FAM135B: variants seen among roughly 807,000 people sequenced by gnomAD.
The protein encoded by FAM135B is family with sequence similarity 135 member B, also known as protein FAM135B.
Under a neutral mutation model 127.7 loss-of-function variants are expected in FAM135B, and 43 were observed. That is an observed-to-expected ratio of 0.34 (90% CI 0.26 to 0.43). FAM135B has a LOEUF of 0.43. Among genes scored for constraint, FAM135B ranks in the 20% least tolerant of loss-of-function variants. The pLI, the probability that FAM135B is intolerant of heterozygous loss-of-function variation, is 1.00. For synonymous variants in FAM135B, 670 were observed against 665.1 expected, an observed-to-expected ratio of 1.01 and a Z score of -0.11; for missense variants, 1,558 against 1,725.6, an observed-to-expected ratio of 0.90 and a Z score of 1.72.
At chr8:138,133,339 T>C (rs1816352869) in intron 19 of FAM135B, among the ~76,000 whole-genome samples, 1 of 152,212 alleles carries the variant, frequency 6.6e-6, no homozygotes, top group South Asian at 2.1e-4. Flanking sequence ...ATTGACTGTT[T>C]CCACCTGAAA....
intron 1 of FAM135B, among the ~76,000 whole-genome samples, chr8:138,396,032 T>C (rs1343249921): frequency 6.6e-6 from 1 of 152,220 alleles, no homozygotes; most frequent in East Asian, 1.9e-4. Context: ...GGTGAACTTA[T>C]GTCAAGTATT....
At chr8:138,420,876 A>T (rs775530132) in intron 1 of FAM135B, among the ~76,000 whole-genome samples, 5 of 152,214 alleles carry the variant, frequency 3.3e-5, no homozygotes, top group South Asian at 2.1e-4. Context: ...GCAAACCTAC[A>T]AGCCAACATA....
chr8:138,448,452 G>T (rs541930264), intron 1 of FAM135B, among the ~76,000 whole-genome samples: 1 of 152,272 alleles, frequency 6.6e-6, no homozygotes, highest in Admixed American at 6.5e-5. Context: ...CAGCTCACCA[G>T]ATTAGATCAT....
chr8:138,391,461 A>T (rs1832571235), intron 1 of FAM135B, among the ~76,000 whole-genome samples: 1 of 152,034 alleles, frequency 6.6e-6, no homozygotes, highest in African/African-American at 2.4e-5. Flanking sequence ...GGTTTCCAGA[A>T]CAGTCAAGCC....
At chr8:138,493,984 C>T (rs988386228) in intron 1 of FAM135B, among the ~76,000 whole-genome samples, 24 of 78,934 alleles carry the variant, frequency 3.0e-4, no homozygotes, top group Admixed American at 2.3e-3. Flanking sequence ...GAAATTGAAG[C>T]GAGAAAAAGA....
chr8:138,463,687 G>A (rs987655399), intron 1 of FAM135B, among the ~76,000 whole-genome samples: 1 of 152,140 alleles, frequency 6.6e-6, no homozygotes, highest in Non-Finnish European at 1.5e-5. Flanking sequence ...TAGCTGGTAT[G>A]GGCACCTCTT....
chr8:138,322,786 C>T (rs766189022), intron 2 of FAM135B, among the ~76,000 whole-genome samples: 20 of 152,158 alleles, frequency 1.3e-4, no homozygotes, highest in Non-Finnish European at 2.6e-4. Context: ...GCCAGCAGGA[C>T]ACCTGGCACC....
intron 7 of FAM135B, among the ~76,000 whole-genome samples, chr8:138,213,297 C>T (rs530984278): frequency 9.2e-5 from 14 of 151,976 alleles, no homozygotes; most frequent in Admixed American, 1.3e-4. Flanking sequence ...ACGATCACTA[C>T]GTAAATAGTA....
At chr8:138,165,104 T>A (rs891845044) in intron 12 of FAM135B, among the ~76,000 whole-genome samples, 6 of 148,550 alleles carry the variant, frequency 4.0e-5, no homozygotes, top group Admixed American at 1.3e-4. Context: ...GGAATGAATT[T>A]ATTTATTTAT....
chr8:138,385,356 CT>C (rs1832129440), intron 1 of FAM135B, among the ~76,000 whole-genome samples: 1 of 152,132 alleles, frequency 6.6e-6, no homozygotes, highest in African/African-American at 2.4e-5. Context: ...AAAGCTGCAC[CT>C]CGTTTGTCCC....
intron 1 of FAM135B, among the ~76,000 whole-genome samples, chr8:138,390,506 T>G (rs551109627): frequency 2.8e-4 from 43 of 152,306 alleles, no homozygotes; most frequent in African/African-American, 9.6e-4. Context: ...TTACCTAGTC[T>G]CAGGTCTATC....
chr8:138,477,851 G>A (rs776498350), intron 1 of FAM135B, among the ~76,000 whole-genome samples: 13 of 152,106 alleles, frequency 8.5e-5, no homozygotes, highest in Non-Finnish European at 1.6e-4. Flanking sequence ...CACCCTTCCT[G>A]CTTCCTATAT....
chr8:138,329,790 T>C (rs769120123), intron 2 of FAM135B, among the ~76,000 whole-genome samples: 1 of 152,208 alleles, frequency 6.6e-6, no homozygotes, highest in Non-Finnish European at 1.5e-5. Context: ...TTGGTTATAG[T>C]TGTTAATATT....
rs1337431782 is a variant in FAM135B at position 138,265,759 on chromosome 8, C to T, written c.241G>A (p.Val81Ile). The T allele has an allele frequency of 2.5e-6, 4 of 1,614,014 alleles. No homozygotes were observed. In the Admixed American group the frequency reaches 6.7e-5, roughly 27 times the overall value. Residue 81 changes from valine to isoleucine, a missense_variant, in exon 4 of 20, where the codon GTA (valine) becomes ATA (isoleucine). This residue lies in a region of FAM135B where 199 missense variants were observed against 245.7 expected (regional missense o/e 0.81). Transcript: ENST00000395297. ...VFQILYRNEEVPINDAVVFRV... is the reference protein window; with the variant it reads ...VFQILYRNEEIPINDAVVFRV... Reference sequence around the variant, plus strand: ...AAGACCACAGCATCATTTATGGGTACCTCTTCATTCCGGTATAAGATCTGA... The same window carrying T: ...AAGACCACAGCATCATTTATGGGTATCTCTTCATTCCGGTATAAGATCTGA...
chr8:138,146,278 T>C (rs1449309175), intron 14 of FAM135B, among the ~76,000 whole-genome samples: 3 of 152,114 alleles, frequency 2.0e-5, no homozygotes, highest in Non-Finnish European at 4.4e-5. Flanking sequence ...CCCACCTCGA[T>C]AGAGTTATCC....
intron 7 of FAM135B, among the ~76,000 whole-genome samples, chr8:138,205,632 A>T (rs946364496): frequency 6.6e-6 from 1 of 152,122 alleles, no homozygotes; most frequent in African/African-American, 2.4e-5. Context: ...AGTAATACCT[A>T]AATTATGTGT....
chr8:138,448,015 G>A (rs374538193), intron 1 of FAM135B, among the ~76,000 whole-genome samples: 4 of 151,526 alleles, frequency 2.6e-5, no homozygotes, highest in African/African-American at 9.7e-5. Flanking sequence ...GATCTAATTT[G>A]GCAAGCTGAA....
rs1820734962 is a variant in FAM135B at position 138,241,135 on chromosome 8, C to T, written c.669+1807G>A. Among the ~76,000 whole-genome samples, 1 of 152,144 alleles carries T rather than the reference C, an allele frequency of 6.6e-6. No individual in the cohort carries two copies. Among genetic ancestry groups the T allele is most frequent in the Non-Finnish European group, 1.5e-5 (1 of 68,018 alleles). On this transcript the variant is annotated intron_variant, in intron 7 of 19. Transcript: ENST00000395297. The surrounding 1 kb of genome is among the most constrained non-coding windows in gnomAD (Gnocchi z 4.8). ...AGTCACAGCAAAGGCTTCGGCCGACCACGGGGAGCTTTGCCTCAGTGATGG... is the reference window on the plus strand; with the variant it reads ...AGTCACAGCAAAGGCTTCGGCCGACTACGGGGAGCTTTGCCTCAGTGATGG...
chr8:138,413,576 C>A (rs1301652788), intron 1 of FAM135B, among the ~76,000 whole-genome samples: 1 of 152,182 alleles, frequency 6.6e-6, no homozygotes, highest in Non-Finnish European at 1.5e-5. Flanking sequence ...TCATCTAACA[C>A]CTTCAGTGCT....
Sources: allele counts gnomAD v4.1 joint callset (sites outside exome capture counted in the v4.1 genomes callset), GRCh38; gene constraint gnomAD v4.1.1; regional missense constraint gnomAD v4.1.1; non-coding constraint Gnocchi (gnomAD v3.1); transcripts MANE v1.5; gene names NCBI Gene and HGNC (gene_info 2026-07-23, HGNC 2026-07-21).